CALN1: variants seen among roughly 807,000 people sequenced by gnomAD.
CALN1 encodes calcium-binding protein 8.
A neutral mutation model predicts 30.6 loss-of-function variants in CALN1; 17 were observed. That is an observed-to-expected ratio of 0.56 (90% CI 0.38 to 0.83). The LOEUF (loss-of-function observed/expected upper bound fraction) is 0.83, where lower values mean the gene tolerates loss of function less well. Ranked by LOEUF, CALN1 falls within the 40% of genes least tolerant of loss-of-function variation. CALN1 has a pLI of 0.00. For missense variants in CALN1, 291 were observed against 354.9 expected, an observed-to-expected ratio of 0.82 and a Z score of 1.45; for synonymous variants, 156 against 131.4, an observed-to-expected ratio of 1.19 and a Z score of -1.28.
At chr7:72,437,699 C>A (rs1397729553) in intron 1 of CALN1, among the ~76,000 whole-genome samples, 11 of 40,864 alleles carry the variant, frequency 2.7e-4, no homozygotes, top group Admixed American at 4.4e-4. Context: ...TCCTCCCTCC[C>A]TCTCTCTTTC....
intron 4 of CALN1, among the ~76,000 whole-genome samples, chr7:72,026,716 T>C (rs1268205856): frequency 1.3e-5 from 2 of 152,090 alleles, no homozygotes; most frequent in East Asian, 3.9e-4. Context: ...ATACCTGACC[T>C]TAATAACTTC....
intron 1 of CALN1, among the ~76,000 whole-genome samples, chr7:72,442,246 T>C (rs1243060699): frequency 2.0e-5 from 3 of 152,190 alleles, no homozygotes; most frequent in Non-Finnish European, 2.9e-5. Context: ...CCCACAATCT[T>C]TCCTCAACAC....
rs756196549 is a variant in CALN1, at chr7:71,810,519, G to A, written c.502-27C>T. The A allele has an allele frequency of 6.2e-6, 10 of 1,604,872 alleles. No individual in the cohort carries two copies. The South Asian group carries it at 1.1e-4, about 18-fold the overall frequency. On this transcript the variant is annotated intron_variant, in intron 5 of 6. Coordinates refer to ENST00000395275, the MANE Select transcript of CALN1 (RefSeq NM_031468.4). Reference sequence around the variant, plus strand: ...TGTGGAGATAAAGAGTAGTGAGATGGTCAGAAGCATGTGGAGATGGGAAGT... The same window carrying A: ...TGTGGAGATAAAGAGTAGTGAGATGATCAGAAGCATGTGGAGATGGGAAGT...
At chr7:72,406,343 C>A (rs528710710) in intron 1 of CALN1, among the ~76,000 whole-genome samples, 1 of 152,290 alleles carries the variant, frequency 6.6e-6, no homozygotes, top group Non-Finnish European at 1.5e-5. Context: ...AAGACACAGG[C>A]ACCTCCTGAG....
rs139955479 is a variant in CALN1, at chr7:71,882,120, C to T, written c.502-71628G>A. ...TAAAATCAAGGCATCAGCAGGATCA[C>T]GTTCCTTCTGGAAGCTCTAAGGCAG... On this transcript the variant is annotated intron_variant, in intron 5 of 6. Transcript: ENST00000395275. Among the ~76,000 whole-genome samples the T allele has an allele frequency of 7.9e-5, 12 of 152,204 alleles. No individual in the cohort carries two copies. In the East Asian group the frequency reaches 1.7e-3, roughly 22 times the overall value.
the CALN1 span, among the ~76,000 whole-genome samples, chr7:72,488,554 G>A: frequency 6.6e-6 from 1 of 152,128 alleles, no homozygotes; most frequent in Non-Finnish European, 1.5e-5. Flanking sequence ...GGGCCACAGA[G>A]TACTTACTAA....
chr7:72,164,869 G>GT (rs1371738360), intron 3 of CALN1, among the ~76,000 whole-genome samples: 5 of 151,974 alleles, frequency 3.3e-5, no homozygotes, highest in Non-Finnish European at 7.4e-5. Context: ...GTTTTTGTTT[G>GT]TTTTTTGTAG....
intron 1 of CALN1, among the ~76,000 whole-genome samples, chr7:72,437,168 G>A (rs998200389): frequency 6.6e-6 from 1 of 152,140 alleles, no homozygotes; most frequent in Non-Finnish European, 1.5e-5. Flanking sequence ...TTTTGAAAAT[G>A]CCTGGAACTA....
intron 2 of CALN1, among the ~76,000 whole-genome samples, chr7:72,326,616 G>C (rs1314939948): frequency 6.6e-6 from 1 of 152,216 alleles, no homozygotes; most frequent in Non-Finnish European, 1.5e-5. Flanking sequence ...TTCTTACCAG[G>C]CTATAAAAAT....
At chr7:72,345,125 A>G (rs1053432020) in intron 2 of CALN1, among the ~76,000 whole-genome samples, 1 of 149,632 alleles carries the variant, frequency 6.7e-6, no homozygotes, top group South Asian at 2.1e-4. Context: ...ATTACATAAT[A>G]TATGTATTAG....
intron 4 of CALN1, among the ~76,000 whole-genome samples, chr7:72,040,093 C>A (rs1802032341): frequency 1.3e-5 from 2 of 152,122 alleles, no homozygotes; most frequent in African/African-American, 4.8e-5. Context: ...AGAAAACACC[C>A]CTTCCCCACC....
the CALN1 span, among the ~76,000 whole-genome samples, chr7:72,480,463 C>CT: frequency 1.3e-5 from 2 of 152,012 alleles, no homozygotes; most frequent in Non-Finnish European, 2.9e-5. Context: ...TGGACTGTCC[C>CT]TTTTTTCTTA....
the CALN1 span, among the ~76,000 whole-genome samples, chr7:72,501,603 T>C: frequency 6.6e-6 from 1 of 150,818 alleles, no homozygotes; most frequent in East Asian, 2.0e-4. Context: ...CTAGGAGTTA[T>C]GAATTGAATG....
In CALN1 at chr7:71,780,633, T is replaced by C. The variant is rs1435797757; in HGVS notation, c.*7142A>G. On this transcript the variant is annotated 3_prime_UTR_variant, in exon 7 of 7. Coordinates refer to ENST00000395275, the MANE Select transcript of CALN1 (RefSeq NM_031468.4). ...CCAAAGATCACGACTCTCTTCTTTC[T>C]GGGGTATTAGGAATAATTACAAGCT... 6.6e-6 allele frequency: 1 copy of C among 151,948 alleles called. No homozygotes were observed. Among genetic ancestry groups the C allele is most frequent in the Non-Finnish European group, 1.5e-5 (1 of 68,002 alleles). 9.4% of individuals were successfully genotyped at this position (151,948 alleles called of 1,614,324 possible).
rs139516860 is a variant in CALN1 at position 72,292,160 on chromosome 7, C to A, written c.120-13350G>T. ...TTCAATGGCAAAAATCGCAATTACT[C>A]TTGCACCAACCCAATATAACAGAAT... On this transcript the variant is annotated intron_variant, in intron 2 of 6. Transcript: ENST00000395275. 7.3e-3 allele frequency among the ~76,000 whole-genome samples: 1,106 copies of A among 152,078 alleles called. 26 individuals carry two copies. The highest frequency in any genetic ancestry group is 0.025 in the African/African-American group (1,052 of 41,398).
chr7:71,806,057 G>T (rs1034975440), intron 6 of CALN1, among the ~76,000 whole-genome samples: 1 of 152,138 alleles, frequency 6.6e-6, no homozygotes, highest in African/African-American at 2.4e-5. Context: ...GTTGCGGGGT[G>T]GGGGATGGAG....
At chr7:72,207,687 T>C (rs190037780) in intron 3 of CALN1, among the ~76,000 whole-genome samples, 8 of 152,300 alleles carry the variant, frequency 5.3e-5, no homozygotes, top group Admixed American at 3.3e-4. Context: ...TGTCTTTACA[T>C]TGCTATAACC....
the CALN1 span, among the ~76,000 whole-genome samples, chr7:72,504,105 G>A: frequency 1.3e-5 from 2 of 152,212 alleles, no homozygotes; most frequent in Non-Finnish European, 2.9e-5. Flanking sequence ...GAAGTTGGGA[G>A]ACTCACATCA....
chr7:71,834,020 G>A (rs1322356519), intron 5 of CALN1, among the ~76,000 whole-genome samples: 2 of 151,746 alleles, frequency 1.3e-5, no homozygotes, highest in Non-Finnish European at 1.5e-5. Context: ...TCAGGAGATC[G>A]AGACCATCCT....
Sources: gnomAD v4.1 joint callset for allele counts (sites outside exome capture counted in the v4.1 genomes callset) on GRCh38, gnomAD v4.1.1 for gene constraint, MANE v1.5 for transcripts, NCBI Gene and HGNC (gene_info 2026-07-23, HGNC 2026-07-21) for gene names.